Variants in RHBDL1 observed in about 807,000 individuals in gnomAD.
RHBDL1 encodes rhomboid-related protein 1.
In RHBDL1, 21 loss-of-function variants were observed where a neutral mutation model predicts 34.0. That is an observed-to-expected ratio of 0.62 (90% confidence interval 0.44 to 0.89). The LOEUF (loss-of-function observed/expected upper bound fraction) is 0.89. RHBDL1 is among the 40% of genes least tolerant of loss of function. The pLI, the probability that RHBDL1 is intolerant of heterozygous loss-of-function variation, is 0.00. For synonymous variants in RHBDL1, 268 were observed against 234.8 expected (o/e 1.14, Z -1.29); for missense variants, 450 against 530.6 (o/e 0.85, Z 1.49).
chr16:677,252 AC>A, intron 4 of RHBDL1, 23 bp from the exon 5 acceptor site: 1 of 1,559,348 alleles, frequency 6.4e-7, no homozygotes, highest in Non-Finnish European at 8.7e-7. Context: ...CACCCTTCGT[AC>A]CCGTTTGCTT....
chr16:676,295 G>A lies in RHBDL1; in HGVS notation c.40-41G>A, dbSNP rs376628523. On this transcript the variant is annotated intron_variant, in intron 1 of 7. Transcript: ENST00000352681. The surrounding 1 kb of genome is among the most constrained non-coding windows in gnomAD (Gnocchi z 6.9). Reference sequence around the variant, plus strand: ...GGCCCAGCCCTTTGGTCCAGGGGTCGGGCCCGCACTCAGGCCTTGGCTGGC... The same window carrying A: ...GGCCCAGCCCTTTGGTCCAGGGGTCAGGCCCGCACTCAGGCCTTGGCTGGC... 1.8e-5 allele frequency: 28 copies of A among 1,595,424 alleles called. No homozygotes were observed. The highest frequency in any genetic ancestry group is 2.2e-5 in the Non-Finnish European group (26 of 1,171,830).
rs1339515480 is a variant in RHBDL1, at chr16:676,792, G to A, written c.322G>A (p.Val108Met). Residue 108 changes from valine (V) to methionine (M), a missense_variant, in exon 3 of 8, where the codon GTG becomes ATG. Physicochemically the swap from Val to Met is conservative, Grantham distance 21. Transcript: ENST00000352681. This position sits in a 1 kb window ranked among gnomAD's most constrained non-coding sequence, Gnocchi z 6.9. The stretch of plus-strand genomic sequence containing the variant: ...TGTCTACAAGCGGTTTGTGCGTTAC[G>A]TGGCCTACGAGATCCTGCCTTGTGA... Reference protein sequence around the residue: ...LGVYKRFVRYVAYEILPCEVD... With the variant: ...LGVYKRFVRYMAYEILPCEVD... The A allele has an allele frequency of 1.9e-6, 3 of 1,610,930 alleles. No homozygotes were observed. The highest frequency in any genetic ancestry group is 2.2e-5 in the East Asian group (1 of 44,810).
rs752091634 is a variant in RHBDL1 at position 677,084 on chromosome 16, C to T, written c.540C>T (p.Ala180=). 2 of 1,612,810 alleles carry T rather than the reference C, an allele frequency of 1.2e-6. No individual in the cohort carries two copies. The highest frequency in any genetic ancestry group is 1.7e-6 in the Non-Finnish European group (2 of 1,179,894). Residue 180 remains alanine, a synonymous_variant, in exon 4 of 8, where the codon GCC becomes GCT. Transcript: ENST00000352681. ...LVYHPGHRAR[A]WRFLTYMFMH... Reference sequence around the variant, plus strand: ...ACCACCCCGGGCACCGTGCCCGCGCCTGGCGCTTCCTCACCTACATGTTCA... The same window carrying T: ...ACCACCCCGGGCACCGTGCCCGCGCTTGGCGCTTCCTCACCTACATGTTCA...
Position 676,298 on chromosome 16 carries a change from C to T in RHBDL1, c.40-38C>T. 1 of 1,598,042 alleles carries T rather than the reference C, an allele frequency of 6.3e-7. No homozygotes were observed. Among genetic ancestry groups the T allele is most frequent in the South Asian group, 1.1e-5 (1 of 88,728 alleles). Reference sequence around the variant, plus strand: ...CCAGCCCTTTGGTCCAGGGGTCGGGCCCGCACTCAGGCCTTGGCTGGCGGC... The same window carrying T: ...CCAGCCCTTTGGTCCAGGGGTCGGGTCCGCACTCAGGCCTTGGCTGGCGGC... On this transcript the variant is annotated intron_variant, in intron 1 of 7. Transcript: ENST00000352681. This position sits in a 1 kb window ranked among gnomAD's most constrained non-coding sequence, Gnocchi z 6.9.
In RHBDL1 at chr16:675,834, G is replaced by A. The variant is rs1276640285; in HGVS notation, c.39+5G>A. 1.3e-6 allele frequency: 2 copies of A among 1,514,982 alleles called. No individual in the cohort carries two copies. The highest frequency in any genetic ancestry group is 1.8e-6 in the Non-Finnish European group (2 of 1,134,346). 93.8% of individuals were successfully genotyped at this position (1,514,982 alleles called of 1,614,324 possible). Reference sequence around the variant, plus strand: ...CTGCAGCTCATCCAGGAGCAGGTGCGTCGGGGGGTGGTCTGGGGAGCTGGC... The same window carrying A: ...CTGCAGCTCATCCAGGAGCAGGTGCATCGGGGGGTGGTCTGGGGAGCTGGC... On this transcript the variant is annotated splice_donor_5th_base_variant and intron_variant, in intron 1 of 7. Coordinates refer to ENST00000352681, the MANE Select transcript of RHBDL1 (RefSeq NM_001278720.2).
At position 677,314 on chromosome 16, in the gene RHBDL1, T is replaced by C; in HGVS notation, c.614T>C (p.Met205Thr). The change falls in exon 5 of 8, where the codon ATG (methionine) becomes ACG (threonine). Residue 205 changes from methionine (M) to threonine (T), a missense_variant. Coordinates refer to ENST00000352681, the MANE Select transcript of RHBDL1 (RefSeq NM_001278720.2). ...QLGFNALLQL[M>T]IGVPLEMVHG... is the part of the protein sequence containing the mutation. Reference sequence around the variant, plus strand: ...GGGTTCAACGCCCTCCTGCAGCTGATGATCGGGGTGCCCCTGGAGATGGTG... The same window carrying C: ...GGGTTCAACGCCCTCCTGCAGCTGACGATCGGGGTGCCCCTGGAGATGGTG... 6.4e-7 allele frequency: 1 copy of C among 1,572,614 alleles called. No homozygotes were observed. Among genetic ancestry groups the C allele is most frequent in the Non-Finnish European group, 8.6e-7 (1 of 1,159,726 alleles).
At position 676,903 on chromosome 16, in the gene RHBDL1, C is replaced by A; in HGVS notation, c.426+7C>A. The A allele has an allele frequency of 6.2e-7, 1 of 1,611,446 alleles. No individual in the cohort carries two copies. Among genetic ancestry groups the A allele is most frequent in the Non-Finnish European group, 8.5e-7 (1 of 1,179,218 alleles). ...CTCGGTCACTCTTGCCCAGGTGGGC[C>A]CCCCGGCCGCTGCCCCGGGAGCCTC... On this transcript the variant is annotated splice_region_variant and intron_variant, in intron 3 of 7. Transcript: ENST00000352681. The surrounding 1 kb of genome is among the most constrained non-coding windows in gnomAD (Gnocchi z 6.9).
chr16:676,578 G>A lies in RHBDL1; in HGVS notation c.201+81G>A, dbSNP rs1287647584. 6.3e-6 allele frequency: 10 copies of A among 1,575,824 alleles called. No homozygotes were observed. The highest frequency in any genetic ancestry group is 8.6e-6 in the Non-Finnish European group (10 of 1,164,390). On this transcript the variant is annotated intron_variant, in intron 2 of 7. Transcript: ENST00000352681. This position sits in a 1 kb window ranked among gnomAD's most constrained non-coding sequence, Gnocchi z 6.9. The stretch of plus-strand genomic sequence containing the variant: ...GGCAGGCAGCTCCTCACGGCGGTGG[G>A]TGGGGGGCTTGTGGATGCGGGGAGC...
rs2039519327 is a variant in RHBDL1 at position 675,714 on chromosome 16, CG to C, written c.-75del. The C allele has an allele frequency of 6.2e-6, 5 of 801,528 alleles. No individual in the cohort carries two copies. In the African/African-American group the frequency reaches 7.3e-5, roughly 12 times the overall value. The allele number at this position is 801,528 out of a possible 1,614,324, so 49.7% of individuals were successfully genotyped here. A position where few individuals can be genotyped will look rare whatever the true frequency, so the allele number is the denominator to read the frequency against. ...AGCGGGCGGAGCGGGCCGGCTGGGGCGGAGCGGAGTCGTCCGCAGAGCAGCC... is the reference window on the plus strand; with the variant it reads ...AGCGGGCGGAGCGGGCCGGCTGGGGCGAGCGGAGTCGTCCGCAGAGCAGCC... On this transcript the variant is annotated 5_prime_UTR_variant, in exon 1 of 8. Coordinates refer to ENST00000352681, the MANE Select transcript of RHBDL1 (RefSeq NM_001278720.2).
Position 676,588 on chromosome 16 carries a change from T to C in RHBDL1, c.202-84T>C. On this transcript the variant is annotated intron_variant, in intron 2 of 7. Transcript: ENST00000352681. The surrounding 1 kb of genome is among the most constrained non-coding windows in gnomAD (Gnocchi z 6.9). ...TCCTCACGGCGGTGGGTGGGGGGCT[T>C]GTGGATGCGGGGAGCTGGGTGAGCC... 1.9e-6 allele frequency: 3 copies of C among 1,577,522 alleles called. No individual in the cohort carries two copies. Among genetic ancestry groups the C allele is most frequent in the South Asian group, 2.2e-5 (2 of 89,650 alleles).
chr16:675,883 G>A, intron 1 of RHBDL1, 54 bp downstream of exon 1: 1 of 1,467,942 alleles, frequency 6.8e-7, no homozygotes, highest in Non-Finnish European at 9.0e-7. Context: ...CGGCCCTCCT[G>A]CCGCTGAGCT....
rs188438111 is a variant in RHBDL1, at chr16:676,930, C to T, written c.426+34C>T. On this transcript the variant is annotated intron_variant, in intron 3 of 7. Transcript: ENST00000352681. The surrounding 1 kb of genome is among the most constrained non-coding windows in gnomAD (Gnocchi z 6.9). Reference sequence around the variant, plus strand: ...CCCGGCCGCTGCCCCGGGAGCCTCCCGCGCTCCTGGCCATGACCAGCCTAA... The same window carrying T: ...CCCGGCCGCTGCCCCGGGAGCCTCCTGCGCTCCTGGCCATGACCAGCCTAA... The T allele has an allele frequency of 8.7e-5, 140 of 1,611,452 alleles. No homozygotes were observed. The Admixed American group carries it at 9.3e-4, about 11-fold the overall frequency.
Position 678,050 on chromosome 16 carries a change from T to G in RHBDL1, c.1120T>G (p.Ter374GlyextTer4), listed in dbSNP as rs2151501478. ...LLGAHIPPPP[*>G] ...GGGCGCCCACATCCCCCCACCGCCC[T>G]GACCGGCTACCTGAGGCTGCACAGG... Residue 374 changes from the stop codon to glycine (G), a stop_lost, in exon 8 of 8, where the codon TGA becomes GGA. Transcript: ENST00000352681. 6.4e-7 allele frequency: 1 copy of G among 1,558,884 alleles called. No homozygotes were observed. Among genetic ancestry groups the G allele is most frequent in the East Asian group, 2.3e-5 (1 of 44,360 alleles).
chr16:678,175 C>A lies in RHBDL1; in HGVS notation c.*123C>A. 2 of 1,399,018 alleles carry A rather than the reference C, an allele frequency of 1.4e-6. No homozygotes were observed. The highest frequency in any genetic ancestry group is 1.8e-6 in the Non-Finnish European group (2 of 1,082,912). The allele number at this position is 1,399,018 out of a possible 1,614,324, so 86.7% of individuals were successfully genotyped here. A position where few individuals can be genotyped will look rare whatever the true frequency, so the allele number is the denominator to read the frequency against. On this transcript the variant is annotated 3_prime_UTR_variant, in exon 8 of 8. Coordinates refer to ENST00000352681, the MANE Select transcript of RHBDL1 (RefSeq NM_001278720.2). ...TGCTGTGCCCCTTGGGTGTGGGTGG[C>A]CTCAAAGGAGGCCCTGTCCCAGCCA...
Position 676,041 on chromosome 16 carries a change from G to A in RHBDL1, c.39+212G>A, listed in dbSNP as rs1036233411. On this transcript the variant is annotated intron_variant, in intron 1 of 7. Coordinates refer to ENST00000352681, the MANE Select transcript of RHBDL1 (RefSeq NM_001278720.2). This position sits in a 1 kb window ranked among gnomAD's most constrained non-coding sequence, Gnocchi z 6.9. ...AGAAGGGAGAGTCGGGGGGAGGGAGGGAGGGAGGGAGGGAGGGCGGGCAGC... is the reference window on the plus strand; with the variant it reads ...AGAAGGGAGAGTCGGGGGGAGGGAGAGAGGGAGGGAGGGAGGGCGGGCAGC... 2.1e-6 allele frequency: 3 copies of A among 1,434,860 alleles called. No homozygotes were observed. Among genetic ancestry groups the A allele is most frequent in the African/African-American group, 1.4e-5 (1 of 69,048 alleles). 88.9% of individuals were successfully genotyped at this position (1,434,860 alleles called of 1,614,324 possible). A position where few individuals can be genotyped will look rare whatever the true frequency, so the allele number is the denominator to read the frequency against.
rs1320348812 is a variant in RHBDL1, at chr16:678,034, C to T, written c.1104C>T (p.His368=). Residue 368 remains histidine (H), a synonymous_variant, in exon 8 of 8, where the codon CAC becomes CAT. Transcript: ENST00000352681. ...NVFAYDLLGA[H]IPPPP is the part of the protein sequence containing the mutation. ...TCGCCTACGACCTGCTGGGCGCCCA[C>T]ATCCCCCCACCGCCCTGACCGGCTA... The T allele has an allele frequency of 4.4e-6, 7 of 1,577,260 alleles. No individual in the cohort carries two copies. The highest frequency in any genetic ancestry group is 2.2e-5 in the East Asian group (1 of 44,650).
Position 677,299 on chromosome 16 carries a change from C to T in RHBDL1, c.599C>T (p.Ala200Val). The change falls in exon 5 of 8, where the codon GCC becomes GTC. Residue 200 changes from alanine (A) to valine (V), a missense_variant. Transcript: ENST00000352681. ...HVGLEQLGFN[A>V]LLQLMIGVPL... Reference sequence around the variant, plus strand: ...AGGCTGGAGCAGCTGGGGTTCAACGCCCTCCTGCAGCTGATGATCGGGGTG... The same window carrying T: ...AGGCTGGAGCAGCTGGGGTTCAACGTCCTCCTGCAGCTGATGATCGGGGTG... 1 of 1,569,304 alleles carries T rather than the reference C, an allele frequency of 6.4e-7. No homozygotes were observed. Among genetic ancestry groups the T allele is most frequent in the South Asian group, 1.2e-5 (1 of 86,140 alleles).
Position 676,128 on chromosome 16 carries a change from A to C in RHBDL1, c.40-208A>C. On this transcript the variant is annotated intron_variant, in intron 1 of 7. Transcript: ENST00000352681. The surrounding 1 kb of genome is among the most constrained non-coding windows in gnomAD (Gnocchi z 6.9). ...TGGGTAGGGTGGAAGACGGGGGAAC[A>C]ACTGAGGAGCTGGAGGACTGGGACC... 6.9e-7 allele frequency: 1 copy of C among 1,459,816 alleles called. No homozygotes were observed. Among genetic ancestry groups the C allele is most frequent in the South Asian group, 1.4e-5 (1 of 70,572 alleles). The allele number at this position is 1,459,816 out of a possible 1,614,324, so 90.4% of individuals were successfully genotyped here.
In RHBDL1 at chr16:678,080, G is replaced by A. The variant is rs748050043; in HGVS notation, c.*28G>A. ...GGCTACCTGAGGCTGCACAGGCCAG[G>A]GCTCGGGCATGTGGTGGCCGCCCAC... is the stretch of plus-strand genomic sequence containing the variant. On this transcript the variant is annotated 3_prime_UTR_variant, in exon 8 of 8. Coordinates refer to ENST00000352681, the MANE Select transcript of RHBDL1 (RefSeq NM_001278720.2). The A allele has an allele frequency of 1.4e-5, 21 of 1,515,576 alleles. No individual in the cohort carries two copies. The highest frequency in any genetic ancestry group is 6.1e-5 in the Admixed American group (3 of 49,162). 93.9% of individuals were successfully genotyped at this position (1,515,576 alleles called of 1,614,324 possible).
Sources: gnomAD v4.1 joint callset for allele counts on GRCh38, gnomAD v4.1.1 for gene constraint, Gnocchi (gnomAD v3.1) non-coding constraint, MANE v1.5 for transcripts, NCBI Gene and HGNC (gene_info 2026-07-23, HGNC 2026-07-21) for gene names.